NRCAM: variants seen among roughly 807,000 people sequenced by gnomAD.
NRCAM encodes NgCAM-related cell adhesion molecule.
A neutral mutation model predicts 156.5 loss-of-function variants in NRCAM; 83 were observed. That is an observed-to-expected ratio of 0.53 (90% confidence interval 0.44 to 0.64). NRCAM has a LOEUF of 0.64. NRCAM is among the 30% of genes least tolerant of loss of function. The pLI, the probability that NRCAM is intolerant of heterozygous loss-of-function variation, is 0.00. For missense variants in NRCAM, 1,417 were observed against 1,597.3 expected (o/e 0.89, Z 1.92); for synonymous variants, 538 against 563.9 (o/e 0.95, Z 0.65).
intron 1 of NRCAM, among the ~76,000 whole-genome samples, chr7:108,432,439 A>G (rs148134792): frequency 1.3e-5 from 2 of 152,356 alleles, no homozygotes; most frequent in Non-Finnish European, 2.9e-5. Flanking sequence ...CTTTGCTCCA[A>G]CCCTAAGTGG....
intron 8 of NRCAM, among the ~76,000 whole-genome samples, chr7:108,226,787 A>G (rs566778538): frequency 6.6e-6 from 1 of 152,292 alleles, no homozygotes; most frequent in South Asian, 2.1e-4. Flanking sequence ...CATGGGTTGC[A>G]TCTACACACA....
chr7:108,149,321 A>G lies in NRCAM; in HGVS notation c.*589T>C, dbSNP rs1300000406. 2 of 152,660 alleles carry G rather than the reference A, an allele frequency of 1.3e-5. No individual in the cohort carries two copies. The highest frequency in any genetic ancestry group is 6.5e-5 in the Admixed American group (1 of 15,296). 9.5% of individuals were successfully genotyped at this position (152,660 alleles called of 1,614,324 possible). Reference sequence around the variant, plus strand: ...GAGTAGGTAATAGTTCTCAGTAAGCATCAGCAATGTGACTGTCATAATGAA... The same window carrying G: ...GAGTAGGTAATAGTTCTCAGTAAGCGTCAGCAATGTGACTGTCATAATGAA... On this transcript the variant is annotated 3_prime_UTR_variant, in exon 33 of 33. Transcript: ENST00000379028.
chr7:108,218,895 A>G (rs2090950858), intron 11 of NRCAM, among the ~76,000 whole-genome samples: 1 of 152,220 alleles, frequency 6.6e-6, no homozygotes, highest in African/African-American at 2.4e-5. Context: ...ACAACAAAAA[A>G]TACAAAAGAT....
intron 5 of NRCAM, among the ~76,000 whole-genome samples, chr7:108,235,357 C>T (rs2094836031): frequency 6.6e-6 from 1 of 152,158 alleles, no homozygotes; most frequent in Non-Finnish European, 1.5e-5. Flanking sequence ...TATGGGGAAA[C>T]TGTTCTGACC....
At chr7:108,229,319 G>T (rs956713189) in intron 8 of NRCAM, among the ~76,000 whole-genome samples, 2 of 152,154 alleles carry the variant, frequency 1.3e-5, no homozygotes, top group African/African-American at 4.8e-5. Flanking sequence ...CTGAACTACA[G>T]TGATGTGATT....
chr7:108,168,193 C>T (rs1027643178), intron 29 of NRCAM, 84 bp downstream of exon 29: 77 of 1,302,022 alleles, frequency 5.9e-5, no homozygotes, highest in Non-Finnish European at 7.2e-5. Context: ...CAAGATGATC[C>T]ATAGTAAATT....
At chr7:108,351,221 G>C (rs1021114314) in intron 2 of NRCAM, among the ~76,000 whole-genome samples, 1 of 152,160 alleles carries the variant, frequency 6.6e-6, no homozygotes, top group South Asian at 2.1e-4. Context: ...TCTGCCTTCT[G>C]CCAGGGGATA....
At chr7:108,199,439 T>C (rs2076813220) in intron 13 of NRCAM, among the ~76,000 whole-genome samples, 2 of 152,318 alleles carry the variant, frequency 1.3e-5, no homozygotes, top group South Asian at 4.1e-4. Context: ...GTCATACAGT[T>C]CTGTAGGTTA....
chr7:108,412,397 A>G (rs1796528365), intron 1 of NRCAM, among the ~76,000 whole-genome samples: 2 of 37,454 alleles, frequency 5.3e-5, no homozygotes, highest in South Asian at 3.1e-3. Flanking sequence ...TCCCCCTCAT[A>G]GTCACTTTAT....
chr7:108,436,738 A>G (rs1338149952), intron 1 of NRCAM, among the ~76,000 whole-genome samples: 4 of 152,118 alleles, frequency 2.6e-5, no homozygotes, highest in Non-Finnish European at 5.9e-5. Flanking sequence ...ATGACTACCT[A>G]CAGTGAAATG....
intron 19 of NRCAM, among the ~76,000 whole-genome samples, chr7:108,190,752 A>C (rs950856919): frequency 6.6e-6 from 1 of 152,204 alleles, no homozygotes; most frequent in African/African-American, 2.4e-5. Flanking sequence ...TTGTTAACAC[A>C]TGGTGAGTCG....
At chr7:108,156,105 A>C (rs917126625) in intron 32 of NRCAM, among the ~76,000 whole-genome samples, 2 of 152,154 alleles carry the variant, frequency 1.3e-5, no homozygotes, top group Admixed American at 1.3e-4. Flanking sequence ...CCACTCGCTA[A>C]AAGTCCATTA....
At chr7:108,284,430 T>C (rs2097994442) in intron 3 of NRCAM, among the ~76,000 whole-genome samples, 1 of 152,164 alleles carries the variant, frequency 6.6e-6, no homozygotes, top group African/African-American at 2.4e-5. Flanking sequence ...GTCAGTACCC[T>C]CCAGTCCATT....
At chr7:108,355,740 C>T (rs2099489981) in intron 2 of NRCAM, among the ~76,000 whole-genome samples, 1 of 152,168 alleles carries the variant, frequency 6.6e-6, no homozygotes, top group Admixed American at 6.5e-5. Context: ...CTATTCTTGA[C>T]ATCCAACCAT....
At chr7:108,309,847 C>G (rs2098776120) in intron 3 of NRCAM, among the ~76,000 whole-genome samples, 1 of 151,988 alleles carries the variant, frequency 6.6e-6, no homozygotes, top group African/African-American at 2.4e-5. Flanking sequence ...ACAAGTGAGA[C>G]TCCATCTCAA....
chr7:108,173,811 T>C, intron 28 of NRCAM, among the ~76,000 whole-genome samples: 1 of 152,198 alleles, frequency 6.6e-6, no homozygotes, highest in Non-Finnish European at 1.5e-5. Context: ...TAACATCAAA[T>C]GGTAAAACCA....
At chr7:108,402,074 C>T (rs138131781) in intron 1 of NRCAM, among the ~76,000 whole-genome samples, 1 of 152,250 alleles carries the variant, frequency 6.6e-6, no homozygotes, top group African/African-American at 2.4e-5. Flanking sequence ...CTCAGGCAGC[C>T]ATCAGAAGAG....
At chr7:108,409,028 G>C (rs971719322) in intron 1 of NRCAM, among the ~76,000 whole-genome samples, 1 of 152,150 alleles carries the variant, frequency 6.6e-6, no homozygotes, top group African/African-American at 2.4e-5. Context: ...GGAGCTGTTT[G>C]TGTGAGGGAA....
Position 108,176,400 on chromosome 7 carries a change from T to C in NRCAM, c.3151+30A>G. 1.9e-6 allele frequency: 3 copies of C among 1,580,186 alleles called. No individual in the cohort carries two copies. The East Asian group carries it at 6.7e-5, about 35-fold the overall frequency. Reference sequence around the variant, plus strand: ...GATTTTTATTTCATGATGCTTATAATTATATGGATTTTATACATACCCATC... The same window carrying C: ...GATTTTTATTTCATGATGCTTATAACTATATGGATTTTATACATACCCATC... On this transcript the variant is annotated intron_variant, in intron 27 of 32. Transcript: ENST00000379028.
Sources: gnomAD v4.1 joint callset for allele counts (sites outside exome capture counted in the v4.1 genomes callset) on GRCh38, gnomAD v4.1.1 for gene constraint, MANE v1.5 for transcripts, NCBI Gene and HGNC (gene_info 2026-07-23, HGNC 2026-07-21) for gene names.